The following BBOF1 variants were observed in gnomAD, a reference collection of about 807,000 sequenced individuals.
BBOF1 encodes the protein basal body-orientation factor 1.
BBOF1 carries 62 observed loss-of-function variants against 68.0 expected under a neutral mutation model. That is an observed-to-expected ratio of 0.91 (90% confidence interval 0.74 to 1.13). The LOEUF (loss-of-function observed/expected upper bound fraction) is 1.13. BBOF1 is among the 50% of genes most tolerant of loss of function. The probability of loss-of-function intolerance (pLI) is 0.00; values close to 1 mark genes in which losing one functional copy is unlikely to be tolerated. For missense variants in BBOF1, 534 were observed against 600.1 expected, an observed-to-expected ratio of 0.89 and a Z score of 1.15; for synonymous variants, 208 against 198.8, an observed-to-expected ratio of 1.05 and a Z score of -0.39.
chr14:74,038,989 C>A (rs68031725), intron 4 of BBOF1, among the ~76,000 whole-genome samples: 16,982 of 152,238 alleles, frequency 0.11, 1,244 homozygotes, highest in Admixed American at 0.19. Flanking sequence ...TGTTAGATTG[C>A]AGTTATTATT....
chr14:74,032,757 G>A (rs911819471), intron 3 of BBOF1, among the ~76,000 whole-genome samples: 3 of 152,116 alleles, frequency 2.0e-5, no homozygotes, highest in East Asian at 3.8e-4. Context: ...CTCCCAAAGT[G>A]CTGGGATTAC....
intron 1 of BBOF1, among the ~76,000 whole-genome samples, 159 bp downstream of exon 1, chr14:74,019,693 G>C (rs909435090): frequency 1.3e-5 from 2 of 152,238 alleles, no homozygotes; most frequent in East Asian, 3.9e-4. Context: ...TAGTCTGGCA[G>C]ATCTCTACTA....
rs77531446 is a variant in BBOF1, at chr14:74,065,724, A to T, written c.*1025A>T. ...TTTATTTTTTATAAATCCAATCTATAGTAAATATACCAGGATAATTTTTCT... is the reference window on the plus strand; with the variant it reads ...TTTATTTTTTATAAATCCAATCTATTGTAAATATACCAGGATAATTTTTCT... On this transcript the variant is annotated 3_prime_UTR_variant, in exon 12 of 12. Transcript: ENST00000394009. The T allele has an allele frequency of 6.6e-3, 1,696 of 258,440 alleles. 36 individuals are homozygous for T. Among genetic ancestry groups the T allele is most frequent in the African/African-American group, 0.036 (1,602 of 44,098 alleles). The allele number at this position is 258,440 out of a possible 1,614,324, so 16.0% of individuals were successfully genotyped here.
chr14:74,072,694 G>T, intron 9 of BBOF1: 5 of 1,462,660 alleles, frequency 3.4e-6, no homozygotes, highest in Non-Finnish European at 4.7e-6. Context: ...CCTTTCCCTT[G>T]CACCAAAAGG....
intron 7 of BBOF1, among the ~76,000 whole-genome samples, chr14:74,049,012 A>G (rs1387962006): frequency 6.6e-6 from 1 of 152,122 alleles, no homozygotes; most frequent in African/African-American, 2.4e-5. Flanking sequence ...AGCTGGGACT[A>G]CAGGCATGCA....
chr14:74,055,583 G>C lies in BBOF1; in HGVS notation c.1287-1G>C, dbSNP rs1354812591. On this transcript the variant is annotated splice_acceptor_variant, in intron 8 of 11. Coordinates refer to ENST00000394009, the MANE Select transcript of BBOF1 (RefSeq NM_025057.3). LOFTEE classifies it high-confidence loss of function. ...CATTTTTTTCCTTTGAAATTCTTTA[G>C]GACACATATTGAAGGAAATGTGGAT... 1.2e-6 allele frequency: 2 copies of C among 1,604,956 alleles called. No individual in the cohort carries two copies. The highest frequency in any genetic ancestry group is 2.2e-5 in the East Asian group (1 of 44,796).
intron 9 of BBOF1, among the ~76,000 whole-genome samples, chr14:74,076,070 C>A (rs8022907): frequency 0.52 from 78,913 of 151,910 alleles, 21,165 homozygotes; most frequent in East Asian, 0.89. Context: ...CTAGGGATGA[C>A]GAGGGAAACT....
intron 5 of BBOF1, among the ~76,000 whole-genome samples, chr14:74,042,897 C>G (rs2059858849): frequency 6.6e-6 from 1 of 151,338 alleles, no homozygotes; most frequent in South Asian, 2.1e-4. Context: ...CACACACACA[C>G]ACACACACAC....
chr14:74,067,324 A>T, downstream of BBOF1: 1 of 1,601,420 alleles, frequency 6.2e-7, no homozygotes, highest in African/African-American at 1.3e-5. Context: ...GACAGAACCC[A>T]AGAGCTTAAT....
In BBOF1 at chr14:74,057,203, C is replaced by T; in HGVS notation, c.1523C>T (p.Ser508Phe). The T allele has an allele frequency of 6.2e-7, 1 of 1,614,100 alleles. No individual in the cohort carries two copies. Among genetic ancestry groups the T allele is most frequent in the Non-Finnish European group, 8.5e-7 (1 of 1,179,972 alleles). Residue 508 changes from serine to phenylalanine, a missense_variant, in exon 11 of 12, where the codon TCT becomes TTT. Ser to Phe is a radical substitution (Grantham distance 155). Transcript: ENST00000394009. ...FITQQIAISDSSGEVVLPTIP... is the reference protein window; with the variant it reads ...FITQQIAISDFSGEVVLPTIP... ...ACCCAGCAAATTGCAATATCAGACT[C>T]TTCTGGTGAAGTGGTGCTACCCACT...
intron 8 of BBOF1, among the ~76,000 whole-genome samples, chr14:74,053,746 C>T (rs945077750): frequency 2.7e-5 from 4 of 150,686 alleles, no homozygotes; most frequent in African/African-American, 9.8e-5. Context: ...GAGTCTCACT[C>T]TGTCGCCCAG....
chr14:74,078,577 G>T lies in BBOF1; in HGVS notation n.1536+225G>T, dbSNP rs199503911. Reference sequence around the variant, plus strand: ...GAGTCTCACTCTGTCACCCAGGCTGGAGTGCAGTGGTGCAATCTTGGCTCA... The same window carrying T: ...GAGTCTCACTCTGTCACCCAGGCTGTAGTGCAGTGGTGCAATCTTGGCTCA... On this transcript the variant is annotated intron_variant and non_coding_transcript_variant, in intron 10 of 12. Transcript: ENST00000492026. Among the ~76,000 whole-genome samples the T allele has an allele frequency of 1.4e-4, 21 of 152,144 alleles. No homozygotes were observed. The East Asian group carries it at 2.3e-3, about 17-fold the overall frequency.
At chr14:74,060,621 C>A in intron 11 of BBOF1, 1 of 1,511,988 alleles carries the variant, frequency 6.6e-7, no homozygotes, top group Non-Finnish European at 9.2e-7. Flanking sequence ...AGGATGGAGT[C>A]AGTCTTAAAC....
chr14:74,067,638 G>A, downstream of BBOF1: 1 of 1,535,042 alleles, frequency 6.5e-7, no homozygotes, highest in Non-Finnish European at 9.0e-7. Flanking sequence ...AAATTAAGCA[G>A]TGGACCAGGT....
At chr14:74,069,012 AAGG>A, downstream of BBOF1, 1 of 1,611,350 alleles carries the variant, frequency 6.2e-7, no homozygotes, top group Non-Finnish European at 8.5e-7. Context: ...ATCACTCACA[AAGG>A]AGCAAATGGA....
intron 4 of BBOF1, among the ~76,000 whole-genome samples, chr14:74,035,584 ATTTTTTTT>A (rs71460945): frequency 6.1e-4 from 50 of 81,392 alleles, no homozygotes; most frequent in Non-Finnish European, 9.6e-4. Flanking sequence ...CCCCCAGCTA[ATTTTTTTT>A]TTTTTTTTTT....
chr14:74,065,153 G>C lies in BBOF1; in HGVS notation c.*454G>C, dbSNP rs576069084. 5.5e-5 allele frequency: 88 copies of C among 1,611,888 alleles called. No homozygotes were observed. Among genetic ancestry groups the C allele is most frequent in the Non-Finnish European group, 7.1e-5 (84 of 1,178,362 alleles). ...CTTAGGAAATAGTAAATGGATATAA[G>C]AATCTCTTAAAAATTCTGTTCACGA... is the stretch of plus-strand genomic sequence containing the variant. On this transcript the variant is annotated 3_prime_UTR_variant, in exon 12 of 12. Coordinates refer to ENST00000394009, the MANE Select transcript of BBOF1 (RefSeq NM_025057.3).
intron 11 of BBOF1, chr14:74,059,084 C>CAAAAAAAA (rs35760969): frequency 4.1e-5 from 2 of 49,380 alleles, no homozygotes; most frequent in African/African-American, 8.9e-5. Context: ...AACTCCATCT[C>CAAAAAAAA]AAAAAAAAAA....
intron 2 of BBOF1, among the ~76,000 whole-genome samples, chr14:74,023,949 G>GA (rs1178003378): frequency 6.9e-5 from 10 of 144,506 alleles, no homozygotes; most frequent in Non-Finnish European, 1.4e-4. Context: ...AAAAAGAAAA[G>GA]AAAAGAAAAA....
Sources: gnomAD v4.1 joint callset for allele counts (sites outside exome capture counted in the v4.1 genomes callset) on GRCh38, gnomAD v4.1.1 for gene constraint, MANE v1.5 for transcripts, NCBI Gene and HGNC (gene_info 2026-07-23, HGNC 2026-07-21) for gene names.